The following SPTAN1 variants were observed in gnomAD, a reference collection of about 807,000 sequenced individuals.
The protein encoded by SPTAN1 is spectrin alpha, non-erythrocytic 1.
Under a neutral mutation model 331.3 loss-of-function variants are expected in SPTAN1, and 61 were observed. The ratio of observed to expected loss-of-function variants is 0.18; its 90% CI spans 0.15 to 0.23. The LOEUF (loss-of-function observed/expected upper bound fraction) is 0.23. Ranked by LOEUF, SPTAN1 falls within the 10% of genes least tolerant of loss-of-function variation. The pLI is 1.00. For missense variants in SPTAN1, 2,043 were observed against 3,147.9 expected, an observed-to-expected ratio of 0.65 and a Z score of 8.40; for synonymous variants, 1,153 against 1,173.9, an observed-to-expected ratio of 0.98 and a Z score of 0.36.
chr9:128,576,831 C>G lies in SPTAN1; in HGVS notation c.660C>G (p.His220Gln). The G allele has an allele frequency of 6.2e-7, 1 of 1,613,762 alleles. No homozygotes were observed. The highest frequency in any genetic ancestry group is 8.5e-7 in the Non-Finnish European group (1 of 1,180,030). The change falls in exon 6 of 57, where the codon CAC (histidine) becomes CAG (glutamine). Residue 220 changes from histidine (H) to glutamine (Q), a missense_variant. Transcript: ENST00000372739. ...QFAAKLIQEQ[H>Q]PEEELIKTKQ... ...TTCTCTTCCTTGTTTAGGAGCAGCA[C>G]CCTGAGGAGGAACTGATCAAGACTA...
intron 10 of SPTAN1, among the ~76,000 whole-genome samples, chr9:128,579,999 A>T (rs1307201942): frequency 6.6e-6 from 1 of 152,030 alleles, no homozygotes; most frequent in Non-Finnish European, 1.5e-5. Flanking sequence ...TTGCATTAGG[A>T]GTTGGAGCAA....
In SPTAN1 at chr9:128,608,243, A is replaced by G. The variant is rs1411742904; in HGVS notation, c.4458A>G (p.Lys1486=). Residue 1486 remains lysine (K), a synonymous_variant, in exon 34 of 57, where the codon AAA becomes AAG. Coordinates refer to ENST00000372739, the MANE Select transcript of SPTAN1 (RefSeq NM_001130438.3). ...ACAGCGTAGAGGCTCTGATCAAAAAACATGAAGACTTTGACAAAGCGATTA... is the reference window on the plus strand; with the variant it reads ...ACAGCGTAGAGGCTCTGATCAAAAAGCATGAAGACTTTGACAAAGCGATTA... ...SLDSVEALIK[K]HEDFDKAINV... 1 of 1,614,180 alleles carries G rather than the reference A, an allele frequency of 6.2e-7. No individual in the cohort carries two copies. The highest frequency in any genetic ancestry group is 1.7e-5 in the Admixed American group (1 of 60,014).
chr9:128,608,925 G>T lies in SPTAN1; in HGVS notation c.4543G>T (p.Gly1515Cys), dbSNP rs149899658. Residue 1515 changes from glycine to cysteine, a missense_variant, in exon 35 of 57, where the codon GGC (glycine) becomes TGC (cysteine). By Grantham distance (159) the Gly-to-Cys change is radical. Around this residue, in one of 12 missense-constraint regions of SPTAN1, gnomAD observed 40 missense variants for 32.6 expected, o/e 1.23. Coordinates refer to ENST00000372739, the MANE Select transcript of SPTAN1 (RefSeq NM_001130438.3). ...QAFADQLIAAGHYAKGDISSR... is the reference protein window; with the variant it reads ...QAFADQLIAACHYAKGDISSR... The stretch of plus-strand genomic sequence containing the variant: ...CTTTGCCGACCAGCTCATCGCTGCC[G>T]GCCATTATGCCAAGGGAGACATTTC... The T allele has an allele frequency of 1.2e-6, 2 of 1,614,184 alleles. No homozygotes were observed. Among genetic ancestry groups the T allele is most frequent in the Admixed American group, 3.3e-5 (2 of 60,026 alleles).
At chr9:128,615,299 G>A (rs1260879536) in intron 40 of SPTAN1, among the ~76,000 whole-genome samples, 1 of 152,062 alleles carries the variant, frequency 6.6e-6, no homozygotes, top group East Asian at 1.9e-4. Context: ...ACATTTTTAA[G>A]TGAAACAGCA....
intron 1 of SPTAN1, among the ~76,000 whole-genome samples, chr9:128,556,218 C>T (rs1015980386): frequency 2.0e-5 from 3 of 150,224 alleles, no homozygotes; most frequent in African/African-American, 7.3e-5. Flanking sequence ...GAGACTCTGT[C>T]TCAAAAAAAA....
intron 23 of SPTAN1, chr9:128,593,948 C>A (rs1853875691): frequency 1.8e-6 from 1 of 560,410 alleles, no homozygotes; most frequent in African/African-American, 1.9e-5. Context: ...CCTGGCTGTT[C>A]TAGCCACCTG....
chr9:128,618,346 A>AGAATCACACAT (rs368584313), intron 43 of SPTAN1, among the ~76,000 whole-genome samples: 3 of 152,190 alleles, frequency 2.0e-5, no homozygotes, highest in African/African-American at 4.8e-5. Context: ...GTATGAGTCC[A>AGAATCACACAT]GAATCACACA....
At position 128,593,108 on chromosome 9, in the gene SPTAN1, C is replaced by T. The variant is rs374805926; in HGVS notation, c.3215+66C>T. 6.9e-4 allele frequency: 1,056 copies of T among 1,520,744 alleles called. 12 individuals carry two copies. The South Asian group carries it at 0.011, about 16-fold the overall frequency. 94.2% of individuals were successfully genotyped at this position (1,520,744 alleles called of 1,614,324 possible). A position where few individuals can be genotyped will look rare whatever the true frequency, so the allele number is the denominator to read the frequency against. On this transcript the variant is annotated intron_variant, in intron 23 of 56. Coordinates refer to ENST00000372739, the MANE Select transcript of SPTAN1 (RefSeq NM_001130438.3). ...GCTACCCTATCCATTCTCCCTCTGCCGCTTCTCTTGAAGGCCTTTGTCCAT... is the reference window on the plus strand; with the variant it reads ...GCTACCCTATCCATTCTCCCTCTGCTGCTTCTCTTGAAGGCCTTTGTCCAT...
intron 1 of SPTAN1, among the ~76,000 whole-genome samples, chr9:128,555,826 T>G (rs1386325982): frequency 1.3e-5 from 2 of 152,174 alleles, no homozygotes; most frequent in African/African-American, 4.8e-5. Context: ...AAAAATTGTG[T>G]TTTTAAAATT....
intron 49 of SPTAN1, chr9:128,626,956 A>G: frequency 1.6e-6 from 1 of 614,322 alleles, no homozygotes; most frequent in Non-Finnish European, 3.0e-6. Flanking sequence ...CTGGGACTAC[A>G]AGCACGTGCC....
intron 23 of SPTAN1, chr9:128,593,463 G>GT (rs941461030): frequency 5.0e-5 from 10 of 201,572 alleles, no homozygotes; most frequent in Non-Finnish European, 7.2e-5. Context: ...GATGATTCTA[G>GT]TTTTTTTTAA....
chr9:128,578,246 G>A lies in SPTAN1; in HGVS notation c.1221+1G>A. 6.2e-7 allele frequency: 1 copy of A among 1,614,056 alleles called. No individual in the cohort carries two copies. Among genetic ancestry groups the A allele is most frequent in the Non-Finnish European group, 8.5e-7 (1 of 1,179,988 alleles). Reference sequence around the variant, plus strand: ...GCTAGATAGACACCAAGAGCACAAGGTAATGGTATCTCTAGAATCTTCCAG... The same window carrying A: ...GCTAGATAGACACCAAGAGCACAAGATAATGGTATCTCTAGAATCTTCCAG... On this transcript the variant is annotated splice_donor_variant, in intron 9 of 56. Coordinates refer to ENST00000372739, the MANE Select transcript of SPTAN1 (RefSeq NM_001130438.3). LOFTEE classifies it high-confidence loss of function.
chr9:128,621,806 A>G (rs1208233096), intron 45 of SPTAN1: 1 of 169,596 alleles, frequency 5.9e-6, no homozygotes, highest in African/African-American at 2.4e-5. Context: ...CTTTTGGGAG[A>G]AAAAATAAAG....
rs754276364 is a variant in SPTAN1, at chr9:128,625,124, A to G, written c.6014A>G (p.Lys2005Arg). Reference protein sequence around the residue: ...SWIGEKENSLKTDDYGRDLSS... With the variant: ...SWIGEKENSLRTDDYGRDLSS... ...CTAGGTGAAAAGGAGAACAGCTTGA[A>G]GACAGATGATTATGGCCGAGACCTG... Residue 2005 changes from lysine (K) to arginine (R), a missense_variant, in exon 47 of 57, where the codon AAG becomes AGG. Physicochemically the swap from Lys to Arg is conservative, Grantham distance 26. This residue lies in a region of SPTAN1 where 256 missense variants were observed against 376.4 expected (regional missense o/e 0.68). Coordinates refer to ENST00000372739, the MANE Select transcript of SPTAN1 (RefSeq NM_001130438.3). The surrounding 1 kb of genome is among the most constrained non-coding windows in gnomAD (Gnocchi z 4.1). The G allele has an allele frequency of 2.7e-5, 44 of 1,614,094 alleles. No individual in the cohort carries two copies. The East Asian group carries it at 9.6e-4, about 35-fold the overall frequency.
At chr9:128,557,835 GCT>G (rs1848825342) in intron 1 of SPTAN1, among the ~76,000 whole-genome samples, 3 of 119,384 alleles carry the variant, frequency 2.5e-5, no homozygotes, top group African/African-American at 9.8e-5. Flanking sequence ...ACGGAGTCTC[GCT>G]CTGTCGCCCA....
chr9:128,568,291 G>A (rs1850269877), intron 2 of SPTAN1, among the ~76,000 whole-genome samples: 1 of 152,164 alleles, frequency 6.6e-6, no homozygotes, highest in Non-Finnish European at 1.5e-5. Context: ...AAGAGGTATT[G>A]AGAAATGGAG....
rs117859036 is a variant in SPTAN1 at position 128,605,579 on chromosome 9, C to T, written c.4046+102C>T. The T allele has an allele frequency of 3.2e-3, 4,631 of 1,447,430 alleles. 136 individuals carry two copies. In the East Asian group the frequency reaches 0.054, roughly 17 times the overall value. 89.7% of individuals were successfully genotyped at this position (1,447,430 alleles called of 1,614,324 possible). A position where few individuals can be genotyped will look rare whatever the true frequency, so the allele number is the denominator to read the frequency against. ...ACATGCTCAGCAGGGTACAATGGCT[C>T]ACACCTATAATCCAAGCACTTTGGG... is the stretch of plus-strand genomic sequence containing the variant. On this transcript the variant is annotated intron_variant, in intron 31 of 56. Transcript: ENST00000372739.
chr9:128,584,913 G>A, intron 18 of SPTAN1, 70 bp downstream of exon 18: 1 of 1,596,150 alleles, frequency 6.3e-7, no homozygotes, highest in Non-Finnish European at 8.6e-7. Context: ...CGAGGGCATG[G>A]CCACGTGGGC....
chr9:128,624,664 A>G (rs1858460945), intron 46 of SPTAN1, 177 bp downstream of exon 46: 2 of 769,918 alleles, frequency 2.6e-6, no homozygotes, highest in South Asian at 1.7e-5. Flanking sequence ...CTGAGGCCAG[A>G]ACTGCCACCC....
Sources: allele counts gnomAD v4.1 joint callset (sites outside exome capture counted in the v4.1 genomes callset), GRCh38; gene constraint gnomAD v4.1.1; regional missense constraint gnomAD v4.1.1; non-coding constraint Gnocchi (gnomAD v3.1); transcripts MANE v1.5; gene names NCBI Gene and HGNC (gene_info 2026-07-23, HGNC 2026-07-21).